Variants in NCAM1 observed in about 807,000 individuals in gnomAD.
NCAM1 encodes antigen recognized by monoclonal antibody 5.1H11.
A neutral mutation model predicts 109.8 loss-of-function variants in NCAM1; 14 were observed. The ratio of observed to expected loss-of-function variants is 0.13; its 90% CI spans 0.08 to 0.20. The LOEUF is 0.20. NCAM1 is among the 10% of genes least tolerant of loss of function. The probability of loss-of-function intolerance (pLI) is 1.00; values close to 1 mark genes in which losing one functional copy is unlikely to be tolerated. For missense variants in NCAM1, 774 were observed against 1,109.9 expected (o/e 0.70, Z 4.30); for synonymous variants, 418 against 442.9 (o/e 0.94, Z 0.70).
intron 1 of NCAM1, among the ~76,000 whole-genome samples, chr11:112,979,505 C>G (rs1262770542): frequency 1.3e-5 from 2 of 151,712 alleles, no homozygotes; most frequent in Non-Finnish European, 3.0e-5. Flanking sequence ...AACAAGGAAA[C>G]AACTATAGAA....
chr11:113,012,021 C>CT (rs1952077752), intron 1 of NCAM1, among the ~76,000 whole-genome samples: 2 of 74,502 alleles, frequency 2.7e-5, no homozygotes, highest in African/African-American at 5.4e-5. Context: ...CCTTTCTTTC[C>CT]TCTTTCTTTT....
chr11:112,983,783 G>A (rs1373761609), intron 1 of NCAM1, among the ~76,000 whole-genome samples: 2 of 151,934 alleles, frequency 1.3e-5, no homozygotes, highest in Non-Finnish European at 2.9e-5. Flanking sequence ...TATTTAAGGT[G>A]TTAACTATGA....
intron 1 of NCAM1, among the ~76,000 whole-genome samples, chr11:113,039,479 G>T (rs1388119642): frequency 6.6e-6 from 1 of 152,152 alleles, no homozygotes; most frequent in Admixed American, 6.5e-5. Flanking sequence ...ATTTTCTTCA[G>T]TCATCTCAAG....
intron 1 of NCAM1, among the ~76,000 whole-genome samples, chr11:113,078,384 T>G (rs1938626226): frequency 6.6e-6 from 1 of 150,462 alleles, no homozygotes; most frequent in African/African-American, 2.5e-5. Context: ...AAGACCCTTT[T>G]GTTTTTTTTT....
intron 1 of NCAM1, among the ~76,000 whole-genome samples, chr11:113,161,010 G>A (rs934024741): frequency 2.0e-5 from 3 of 152,046 alleles, no homozygotes; most frequent in Admixed American, 6.6e-5. Flanking sequence ...TGCAAGCTCC[G>A]TCACAAGAAT....
intron 1 of NCAM1, among the ~76,000 whole-genome samples, chr11:113,040,071 G>A (rs920129716): frequency 6.6e-6 from 1 of 152,188 alleles, no homozygotes; most frequent in Non-Finnish European, 1.5e-5. Context: ...AAACCCAGGA[G>A]GTGGAGGTTG....
At chr11:113,181,244 G>A (rs1290726840) in intron 1 of NCAM1, among the ~76,000 whole-genome samples, 2 of 152,178 alleles carry the variant, frequency 1.3e-5, no homozygotes, top group Non-Finnish European at 2.9e-5. Context: ...GGCCCTGCCA[G>A]CCCTGTGGTT....
At chr11:113,190,642 C>T (rs539575158) in intron 1 of NCAM1, among the ~76,000 whole-genome samples, 1 of 152,332 alleles carries the variant, frequency 6.6e-6, no homozygotes, top group South Asian at 2.1e-4. Context: ...TGTTCCCTAA[C>T]TCAAGAAAGC....
rs1235541902 is a variant in NCAM1, at chr11:113,141,648, AAAAC to A, written c.53-60715_53-60712del. ...TGGCGACAGAGGGAGACTCCGTCTC[AAAAC>A]AAACAAACAAACAAAAGTTAGTGAA... On this transcript the variant is annotated intron_variant, in intron 1 of 19. Transcript: ENST00000316851. Among the ~76,000 whole-genome samples the A allele has an allele frequency of 2.4e-4, 37 of 152,278 alleles. 1 individual carries two copies. Among genetic ancestry groups the A allele is most frequent in the East Asian group, 1.6e-3 (8 of 5,160 alleles).
chr11:113,169,690 C>T (rs1027816171), intron 1 of NCAM1, among the ~76,000 whole-genome samples: 1 of 143,806 alleles, frequency 7.0e-6, no homozygotes, highest in Admixed American at 7.2e-5. Context: ...TGCAGTGTTG[C>T]GATCTCGGCT....
chr11:113,176,505 A>G (rs557165442), intron 1 of NCAM1, among the ~76,000 whole-genome samples: 32 of 152,334 alleles, frequency 2.1e-4, no homozygotes, highest in Admixed American at 1.9e-3. Flanking sequence ...GTGAAGGTCC[A>G]CTTGACTATC....
At position 113,009,319 on chromosome 11, in the gene NCAM1, T is replaced by TG. The variant is rs60538832; in HGVS notation, c.52+47655_52+47656insG. ...TTGGAAGGGTTTTTTCGGGTTTTTTTTTTTTTTTTTTTTTTTTTTTTTATT... is the reference window on the plus strand; with the variant it reads ...TTGGAAGGGTTTTTTCGGGTTTTTTTGTTTTTTTTTTTTTTTTTTTTTTATT... On this transcript the variant is annotated intron_variant, in intron 1 of 19. Coordinates refer to ENST00000316851, the MANE Select transcript of NCAM1 (RefSeq NM_181351.5). 1.9e-3 allele frequency among the ~76,000 whole-genome samples: 172 copies of TG among 92,272 alleles called. 3 individuals carry two copies. Among genetic ancestry groups the TG allele is most frequent in the East Asian group, 6.3e-3 (15 of 2,382 alleles). 60.5% of individuals were successfully genotyped at this position (92,272 alleles called of 152,430 possible). A position where few individuals can be genotyped will look rare whatever the true frequency, so the allele number is the denominator to read the frequency against.
intron 8 of NCAM1, among the ~76,000 whole-genome samples, chr11:113,215,954 G>A (rs1001724603): frequency 2.0e-5 from 3 of 152,184 alleles, no homozygotes; most frequent in Non-Finnish European, 4.4e-5. Context: ...TTTGTCCAGA[G>A]TGACCCAGTG....
rs186070912 is a variant in NCAM1 at position 113,108,076 on chromosome 11, G to A, written c.53-94303G>A. Among the ~76,000 whole-genome samples, 122 of 152,254 alleles carry A rather than the reference G, an allele frequency of 8.0e-4. 1 individual carries two copies. The Middle Eastern group carries it at 0.014, about 17-fold the overall frequency. On this transcript the variant is annotated intron_variant, in intron 1 of 19. Coordinates refer to ENST00000316851, the MANE Select transcript of NCAM1 (RefSeq NM_181351.5). ...TCAATTGAAGATGAATTAAACCAAC[G>A]TTGCCCATAAGTCCCCAAATTTTAA...
chr11:113,074,081 C>A (rs1555085709), intron 1 of NCAM1, among the ~76,000 whole-genome samples: 2 of 152,130 alleles, frequency 1.3e-5, no homozygotes, highest in Non-Finnish European at 1.5e-5. Flanking sequence ...TACAGGGGAG[C>A]ACCTTGAAAA....
In NCAM1 at chr11:112,962,132, C is replaced by T. The variant is rs1208665723; in HGVS notation, c.52+468C>T. ...TGAACAATAAGGCTAGGGCAGCCGC[C>T]CCAGATCGTTATATTCCTGGGTCTA... On this transcript the variant is annotated intron_variant, in intron 1 of 19. Transcript: ENST00000316851. This position sits in a 1 kb window ranked among gnomAD's most constrained non-coding sequence, Gnocchi z 5.6. Among the ~76,000 whole-genome samples, 2 of 152,178 alleles carry T rather than the reference C, an allele frequency of 1.3e-5. No homozygotes were observed. The highest frequency in any genetic ancestry group is 2.4e-5 in the African/African-American group (1 of 41,440).
At chr11:113,105,642 C>CT (rs1194808464) in intron 1 of NCAM1, among the ~76,000 whole-genome samples, 1 of 152,110 alleles carries the variant, frequency 6.6e-6, no homozygotes, top group Non-Finnish European at 1.5e-5. Flanking sequence ...AAACATTATG[C>CT]TAAGTGAAAG....
intron 9 of NCAM1, chr11:113,222,011 A>G (rs1279125390): frequency 6.6e-6 from 1 of 152,206 alleles, no homozygotes; most frequent in East Asian, 1.9e-4. Flanking sequence ...TAGTTTGAAA[A>G]CTGAAGTTAA....
At chr11:113,275,191 C>G in intron 19 of NCAM1, 76 bp from the exon 20 acceptor site, 1 of 1,580,340 alleles carries the variant, frequency 6.3e-7, no homozygotes, top group Non-Finnish European at 8.6e-7. Context: ...TCCCTGCTGT[C>G]CCCAAGGCCT....
Sources: allele counts gnomAD v4.1 joint callset (sites outside exome capture counted in the v4.1 genomes callset), GRCh38; gene constraint gnomAD v4.1.1; non-coding constraint Gnocchi (gnomAD v3.1); transcripts MANE v1.5; gene names NCBI Gene and HGNC (gene_info 2026-07-23, HGNC 2026-07-21).